The following GCNT1 variants were observed in gnomAD, a reference collection of about 807,000 sequenced individuals.
GCNT1 encodes glucosaminyl (N-acetyl) transferase 1.
GCNT1 carries 16 observed loss-of-function variants against 26.2 expected under a neutral mutation model. The ratio of observed to expected loss-of-function variants is 0.61; its 90% CI spans 0.41 to 0.93. The LOEUF (loss-of-function observed/expected upper bound fraction) is 0.93. GCNT1 is among the 40% of genes least tolerant of loss of function. The pLI, the probability that GCNT1 is intolerant of heterozygous loss-of-function variation, is 0.00. For missense variants in GCNT1, 477 were observed against 526.7 expected, an observed-to-expected ratio of 0.91 and a Z score of 0.92; for synonymous variants, 183 against 190.8, an observed-to-expected ratio of 0.96 and a Z score of 0.34.
rs2131646550 is a variant in GCNT1 at position 76,503,024 on chromosome 9, A to C, written c.643A>C (p.Asn215His). ...AMSANWKYLI[N>H]LCGMDFPIKT... is the part of the protein sequence containing the mutation. ...GAGTGCAAACTGGAAGTACTTGATA[A>C]ATCTTTGTGGTATGGATTTTCCCAT... The change falls in exon 4 of 4, where the codon AAT becomes CAT. Residue 215 changes from asparagine (N) to histidine (H), a missense_variant. Asn to His is a moderately conservative substitution (Grantham distance 68). Transcript: ENST00000376730. 6.2e-7 allele frequency: 1 copy of C among 1,614,044 alleles called. No homozygotes were observed. The highest frequency in any genetic ancestry group is 2.2e-5 in the East Asian group (1 of 44,884).
intron 2 of GCNT1, among the ~76,000 whole-genome samples, chr9:76,477,968 C>T (rs1824294296): frequency 1.3e-5 from 2 of 152,090 alleles, no homozygotes; most frequent in African/African-American, 4.8e-5. Flanking sequence ...CACCGATCAG[C>T]GCTCTGTGTC....
upstream of GCNT1, among the ~76,000 whole-genome samples, chr9:76,457,765 A>G (rs1823783154): frequency 6.6e-6 from 1 of 152,164 alleles, no homozygotes; most frequent in African/African-American, 2.4e-5. Context: ...CATTTACCTA[A>G]TCTACTTGCT....
At chr9:76,500,140 ATTTTTT>A (rs5898481) in intron 2 of GCNT1, among the ~76,000 whole-genome samples, 1 of 149,730 alleles carries the variant, frequency 6.7e-6, no homozygotes, top group African/African-American at 2.4e-5. Context: ...ATGCCTTGTA[ATTTTTT>A]TTTTGTTGAA....
At chr9:76,397,568 C>G in the GCNT1 span, among the ~76,000 whole-genome samples, 3 of 151,892 alleles carry the variant, frequency 2.0e-5, no homozygotes, top group African/African-American at 7.3e-5. Context: ...CTCAGCCTCC[C>G]GAGTAGCTGG....
intron 2 of GCNT1, among the ~76,000 whole-genome samples, chr9:76,469,781 A>G (rs1476507892): frequency 6.6e-6 from 1 of 152,138 alleles, no homozygotes; most frequent in Non-Finnish European, 1.5e-5. Flanking sequence ...ATCCTAATCA[A>G]GCTGAACATT....
the GCNT1 span, among the ~76,000 whole-genome samples, chr9:76,395,623 GAAGGGAAAGGA>G: frequency 2.0e-5 from 3 of 152,126 alleles, no homozygotes; most frequent in African/African-American, 7.2e-5. Flanking sequence ...GGAAGGGAGG[GAAGGGAAAGGA>G]AAGGGGAAGG....
intron 1 of GCNT1, among the ~76,000 whole-genome samples, chr9:76,422,386 G>A (rs759266999): frequency 2.0e-5 from 3 of 151,748 alleles, no homozygotes; most frequent in East Asian, 1.9e-4. Context: ...CTTAATCTAC[G>A]GTATATTTCA....
chr9:76,419,081 GGGGTATCACTTTTCT>G (rs1187709914), upstream of GCNT1, among the ~76,000 whole-genome samples: 2 of 152,086 alleles, frequency 1.3e-5, no homozygotes, highest in Non-Finnish European at 2.9e-5. Context: ...ACCATATTTT[GGGGTATCACTTTTCT>G]GAGTCCCAAC....
intron 2 of GCNT1, among the ~76,000 whole-genome samples, chr9:76,463,789 A>G (rs1423423878): frequency 1.3e-5 from 2 of 152,178 alleles, no homozygotes; most frequent in African/African-American, 4.8e-5. Context: ...TCACAATCTT[A>G]AGTGGTACTT....
intron 1 of GCNT1, among the ~76,000 whole-genome samples, chr9:76,427,199 T>TG (rs1823269543): frequency 7.1e-5 from 1 of 13,996 alleles, no homozygotes; most frequent in Non-Finnish European, 2.1e-4. Flanking sequence ...TGCCAACACC[T>TG]TTTTTTTTTT....
chr9:76,465,566 G>A (rs139681986), intron 2 of GCNT1, among the ~76,000 whole-genome samples: 25 of 152,326 alleles, frequency 1.6e-4, no homozygotes, highest in African/African-American at 5.8e-4. Context: ...ATGCACCACT[G>A]TGTCCCAGCT....
At chr9:76,432,299 G>T (rs563551098) in intron 1 of GCNT1, among the ~76,000 whole-genome samples, 10 of 152,082 alleles carry the variant, frequency 6.6e-5, no homozygotes, top group Admixed American at 5.9e-4. Flanking sequence ...GAAAATATGG[G>T]CAATTGAGTC....
Position 76,483,609 on chromosome 9 carries a change from G to A in GCNT1, c.-289-17307G>A, listed in dbSNP as rs142567844. On this transcript the variant is annotated intron_variant, in intron 2 of 3. Transcript: ENST00000376730. ...TTTAAATTTTTCTTGTTTTTGTAGAGATGGTATCTCACCATTTTACTTAGG... is the reference window on the plus strand; with the variant it reads ...TTTAAATTTTTCTTGTTTTTGTAGAAATGGTATCTCACCATTTTACTTAGG... 1.9e-4 allele frequency among the ~76,000 whole-genome samples: 29 copies of A among 152,156 alleles called. 1 individual carries two copies. In the East Asian group the frequency reaches 5.4e-3, roughly 28 times the overall value.
rs191538296 is a variant in GCNT1 at position 76,489,749 on chromosome 9, C to A, written c.-289-11167C>A. 2.0e-5 allele frequency among the ~76,000 whole-genome samples: 3 copies of A among 152,286 alleles called. No individual in the cohort carries two copies. The South Asian group carries it at 6.2e-4, about 32-fold the overall frequency. ...CAGCTGGCTTCACCTCTCAATCCCC[C>A]CTCTAAACAGGACACCCCAACTGCT... On this transcript the variant is annotated intron_variant, in intron 2 of 3. Transcript: ENST00000376730.
At chr9:76,433,693 A>G (rs1190367670) in intron 1 of GCNT1, among the ~76,000 whole-genome samples, 2 of 152,192 alleles carry the variant, frequency 1.3e-5, no homozygotes, top group African/African-American at 4.8e-5. Flanking sequence ...TGCCTCTTGC[A>G]GGGAGCCCTG....
At chr9:76,492,774 A>AT (rs59510090) in intron 2 of GCNT1, among the ~76,000 whole-genome samples, 12,456 of 151,280 alleles carry the variant, frequency 0.082, 567 homozygotes, top group Middle Eastern at 0.17. Flanking sequence ...GGCCTGCTCC[A>AT]TTTTCTGTCC....
chr9:76,479,638 T>C (rs1824364350), intron 2 of GCNT1, among the ~76,000 whole-genome samples: 1 of 152,400 alleles, frequency 6.6e-6, no homozygotes, highest in East Asian at 1.9e-4. Flanking sequence ...TTCATATGCC[T>C]GTTGGCTGCA....
At chr9:76,428,775 A>G (rs4571791) in intron 1 of GCNT1, among the ~76,000 whole-genome samples, 46,413 of 148,336 alleles carry the variant, frequency 0.31, 7,996 homozygotes, top group Non-Finnish European at 0.39. Flanking sequence ...ATCTCAGCTC[A>G]TCGCAACCTC....
chr9:76,401,400 G>T, the GCNT1 span, among the ~76,000 whole-genome samples: 2 of 151,978 alleles, frequency 1.3e-5, no homozygotes, highest in Non-Finnish European at 2.9e-5. Context: ...TGCATAACTG[G>T]AACTACAGGT....
Sources: gnomAD v4.1 joint callset for allele counts (sites outside exome capture counted in the v4.1 genomes callset) on GRCh38, gnomAD v4.1.1 for gene constraint, MANE v1.5 for transcripts, NCBI Gene and HGNC (gene_info 2026-07-23, HGNC 2026-07-21) for gene names.